KCNK2: variants seen among roughly 807,000 people sequenced by gnomAD.
The protein encoded by KCNK2 is potassium channel subfamily K member 2.
In KCNK2, 21 loss-of-function variants were observed where a neutral mutation model predicts 40.5. The ratio of observed to expected loss-of-function variants is 0.52; its 90% confidence interval spans 0.37 to 0.75. The LOEUF is 0.75. Ranked by LOEUF, KCNK2 falls within the 30% of genes least tolerant of loss-of-function variation. KCNK2 has a pLI of 0.00. For synonymous variants in KCNK2, 191 were observed against 202.2 expected (o/e 0.94, Z 0.47); for missense variants, 399 against 531.6 (o/e 0.75, Z 2.45).
chr1:215,139,433 A>G (rs1662071106), intron 3 of KCNK2, among the ~76,000 whole-genome samples: 1 of 152,184 alleles, frequency 6.6e-6, no homozygotes, highest in Admixed American at 6.5e-5. Context: ...ATAGGTCATA[A>G]TTTCATGAAT....
chr1:215,148,870 C>T (rs1255406933), intron 3 of KCNK2, among the ~76,000 whole-genome samples: 1 of 152,034 alleles, frequency 6.6e-6, no homozygotes, highest in Non-Finnish European at 1.5e-5. Context: ...AATTGAAGGT[C>T]CACCCTTGTG....
intron 3 of KCNK2, among the ~76,000 whole-genome samples, chr1:215,151,007 C>T (rs536055341): frequency 4.6e-5 from 7 of 151,926 alleles, no homozygotes; most frequent in South Asian, 2.1e-4. Flanking sequence ...TATTCTTTGT[C>T]ATGATAAAAT....
chr1:215,184,499 T>C (rs147012550), intron 5 of KCNK2, among the ~76,000 whole-genome samples: 2 of 152,296 alleles, frequency 1.3e-5, no homozygotes, highest in Admixed American at 1.3e-4. Context: ...TACCTGAGAC[T>C]GGGTAATTTA....
intron 6 of KCNK2, among the ~76,000 whole-genome samples, chr1:215,212,728 C>A: frequency 6.6e-6 from 1 of 152,188 alleles, no homozygotes; most frequent in East Asian, 1.9e-4. Context: ...ATGCTGGCTT[C>A]ACAATGATTG....
Position 215,083,194 on chromosome 1 carries a change from T to TTCCCCCCCCCCC in KCNK2, c.-192_-191insTCCCCCCCCCCC. Reference sequence around the variant, plus strand: ...CCCGCGATTTCGTTTCTTCTCACGCTCCCCCCCCCGCCCCCTCCCGCGTCC... The same window carrying TTCCCCCCCCCCC: ...CCCGCGATTTCGTTTCTTCTCACGCTTCCCCCCCCCCCCCCCCCCCCGCCCCCTCCCGCGTCC... On this transcript the variant is annotated 5_prime_UTR_variant, in exon 1 of 7. Transcript: ENST00000444842. 4.0e-6 allele frequency: 2 copies of TTCCCCCCCCCCC among 501,814 alleles called. No individual in the cohort carries two copies. Among genetic ancestry groups the TTCCCCCCCCCCC allele is most frequent in the Non-Finnish European group, 3.3e-6 (1 of 301,554 alleles). 31.1% of individuals were successfully genotyped at this position (501,814 alleles called of 1,614,324 possible).
intron 2 of KCNK2, among the ~76,000 whole-genome samples, chr1:215,099,487 T>A (rs866498655): frequency 5.9e-5 from 9 of 151,996 alleles, no homozygotes; most frequent in African/African-American, 1.7e-4. Flanking sequence ...GTGCTACTAT[T>A]TGTGGACTGC....
chr1:215,177,126 A>G (rs1664011101), intron 5 of KCNK2, among the ~76,000 whole-genome samples: 1 of 152,068 alleles, frequency 6.6e-6, no homozygotes, highest in Non-Finnish European at 1.5e-5. Context: ...TCTTGGCCAC[A>G]TGAATGTCTT....
chr1:215,111,978 G>A (rs1029297397), intron 2 of KCNK2, among the ~76,000 whole-genome samples: 1 of 145,006 alleles, frequency 6.9e-6, no homozygotes, highest in Non-Finnish European at 1.5e-5. Flanking sequence ...ACTTGTGCCT[G>A]TAAGTTACCA....
intron 1 of KCNK2, among the ~76,000 whole-genome samples, chr1:215,010,235 A>G (rs1656329633): frequency 6.6e-6 from 1 of 152,228 alleles, no homozygotes; most frequent in Non-Finnish European, 1.5e-5. Context: ...GTTAACCACC[A>G]GTTTATTTAG....
rs572500007 is a variant in KCNK2, at chr1:215,236,859, G to C, written c.*1714G>C. On this transcript the variant is annotated 3_prime_UTR_variant, in exon 7 of 7. Transcript: ENST00000444842. ...AAAAGAAGCAAATAAACTAATAGAC[G>C]CTTATTTTCCAAAATTTAAATTTAA... is the stretch of plus-strand genomic sequence containing the variant. 1 of 151,412 alleles carries C rather than the reference G, an allele frequency of 6.6e-6. No individual in the cohort carries two copies. Among genetic ancestry groups the C allele is most frequent in the Non-Finnish European group, 1.5e-5 (1 of 67,866 alleles). The allele number at this position is 151,412 out of a possible 1,614,324, so 9.4% of individuals were successfully genotyped here.
chr1:215,153,578 A>AT (rs1446767470), intron 3 of KCNK2, among the ~76,000 whole-genome samples: 1 of 143,340 alleles, frequency 7.0e-6, no homozygotes, highest in Non-Finnish European at 1.6e-5. Context: ...ATATATATAT[A>AT]TATTTTTTTT....
intron 2 of KCNK2, among the ~76,000 whole-genome samples, chr1:215,093,278 T>C (rs1659770815): frequency 6.7e-6 from 1 of 148,808 alleles, no homozygotes; most frequent in African/African-American, 2.5e-5. Flanking sequence ...CCTCCAAAGG[T>C]TTTATTATTT....
At chr1:215,193,387 G>A (rs183785108) in intron 5 of KCNK2, among the ~76,000 whole-genome samples, 49 of 151,484 alleles carry the variant, frequency 3.2e-4, no homozygotes, top group Non-Finnish European at 4.4e-4. Context: ...GATCTTGTTG[G>A]TTATTACCTC....
intron 1 of KCNK2, 73 bp from the exon 2 acceptor site, chr1:215,086,295 C>T: frequency 8.1e-7 from 1 of 1,231,510 alleles, no homozygotes; most frequent in Non-Finnish European, 1.2e-6. Flanking sequence ...CTTCTCTGAC[C>T]CCTTAAAGAA....
intron 2 of KCNK2, among the ~76,000 whole-genome samples, chr1:215,117,879 A>G (rs1431538657): frequency 6.6e-6 from 1 of 152,102 alleles, no homozygotes; most frequent in Non-Finnish European, 1.5e-5. Flanking sequence ...CCCTTAGTGG[A>G]ACCTAATTTA....
intron 5 of KCNK2, among the ~76,000 whole-genome samples, chr1:215,174,614 T>C (rs1453857795): frequency 2.0e-5 from 3 of 152,206 alleles, no homozygotes; most frequent in Admixed American, 1.3e-4. Context: ...CATGGAATGT[T>C]CTTCCATTTG....
At chr1:215,094,317 C>T (rs944532817) in intron 2 of KCNK2, among the ~76,000 whole-genome samples, 4 of 151,972 alleles carry the variant, frequency 2.6e-5, no homozygotes, top group South Asian at 2.1e-4. Context: ...TCTGTCCTTT[C>T]GGTTAATCTC....
chr1:215,093,314 C>T (rs1037665792), intron 2 of KCNK2, among the ~76,000 whole-genome samples: 63 of 143,020 alleles, frequency 4.4e-4, no homozygotes, highest in African/African-American at 1.5e-3. Context: ...TTAAAAGAAA[C>T]ATGAATATAT....
At chr1:215,055,375 G>A (rs867684773) in intron 1 of KCNK2, among the ~76,000 whole-genome samples, 2 of 152,062 alleles carry the variant, frequency 1.3e-5, no homozygotes, top group Admixed American at 1.3e-4. Flanking sequence ...CTATGAAAAA[G>A]AACTAAAAAA....
Sources: gnomAD v4.1 joint callset for allele counts (sites outside exome capture counted in the v4.1 genomes callset) on GRCh38, gnomAD v4.1.1 for gene constraint, MANE v1.5 for transcripts, NCBI Gene and HGNC (gene_info 2026-07-23, HGNC 2026-07-21) for gene names.